MCTP1: variants seen among roughly 807,000 people sequenced by gnomAD.
MCTP1 encodes the protein multiple C2 and transmembrane domain containing 1.
Under a neutral mutation model 120.6 loss-of-function variants are expected in MCTP1, and 69 were observed. The observed-to-expected ratio is 0.57, with a 90% confidence interval of 0.47 to 0.70. The LOEUF (loss-of-function observed/expected upper bound fraction) is 0.70, where lower values mean the gene tolerates loss of function less well. MCTP1 is among the 30% of genes least tolerant of loss of function. The pLI is 0.00. For synonymous variants in MCTP1, 529 were observed against 493.1 expected (o/e 1.07, Z -0.96); for missense variants, 1,203 against 1,248.8 (o/e 0.96, Z 0.55).
chr5:95,227,688 C>G (rs928145215), intron 1 of MCTP1, among the ~76,000 whole-genome samples: 4 of 152,098 alleles, frequency 2.6e-5, no homozygotes, highest in Non-Finnish European at 5.9e-5. Flanking sequence ...ACATAGCTTT[C>G]TGAAGATGGG....
intron 1 of MCTP1, among the ~76,000 whole-genome samples, chr5:95,207,166 T>C (rs1344195251): frequency 3.9e-5 from 6 of 152,108 alleles, no homozygotes; most frequent in Non-Finnish European, 4.4e-5. Flanking sequence ...GAAGAGACTA[T>C]GAGTTATCTA....
rs960526267 is a variant in MCTP1 at position 94,797,778 on chromosome 5, A to G, written c.2556+1235T>C. On this transcript the variant is annotated intron_variant, in intron 18 of 22. Coordinates refer to ENST00000515393, the MANE Select transcript of MCTP1 (RefSeq NM_024717.7). ...CCTTCCCTCACATTTATAATCTAGT[A>G]AGAGAGACAGAAATATAATAGAGAA... Among the ~76,000 whole-genome samples the G allele has an allele frequency of 2.0e-5, 3 of 152,182 alleles. No individual in the cohort carries two copies. In the East Asian group the frequency reaches 5.8e-4, roughly 29 times the overall value.
chr5:95,166,911 TC>T (rs1746461825), intron 1 of MCTP1, among the ~76,000 whole-genome samples: 1 of 139,924 alleles, frequency 7.1e-6, no homozygotes, highest in Non-Finnish European at 1.5e-5. Context: ...TCTTTCCCTT[TC>T]TATTCTTTTT....
intron 1 of MCTP1, among the ~76,000 whole-genome samples, chr5:95,254,963 A>G (rs1757730164): frequency 6.6e-6 from 1 of 152,170 alleles, no homozygotes; most frequent in Non-Finnish European, 1.5e-5. Flanking sequence ...CAGCAACTTA[A>G]TTTTTTTAAA....
chr5:94,738,351 A>G (rs1764747237), intron 19 of MCTP1, among the ~76,000 whole-genome samples: 1 of 152,122 alleles, frequency 6.6e-6, no homozygotes, highest in Non-Finnish European at 1.5e-5. Flanking sequence ...TCTGCTTGAG[A>G]AAAATGAAAC....
chr5:94,988,735 AC>A (rs1229709749), intron 2 of MCTP1, among the ~76,000 whole-genome samples: 4 of 151,946 alleles, frequency 2.6e-5, no homozygotes, highest in Admixed American at 2.6e-4. Context: ...TAAAAGACAT[AC>A]CCGAGACTGG....
At chr5:94,750,396 A>T (rs569070356) in intron 19 of MCTP1, among the ~76,000 whole-genome samples, 12 of 152,352 alleles carry the variant, frequency 7.9e-5, no homozygotes, top group African/African-American at 2.9e-4. Flanking sequence ...AGAATCATAA[A>T]CCTACTAGAC....
chr5:95,081,592 T>C (rs1405639823), intron 1 of MCTP1: 5 of 1,473,538 alleles, frequency 3.4e-6, no homozygotes, highest in Middle Eastern at 1.8e-4. Flanking sequence ...CTCCAAGTGA[T>C]AGCAACAGCC....
At chr5:94,872,696 T>C (rs1798055508) in intron 13 of MCTP1, among the ~76,000 whole-genome samples, 4 of 152,106 alleles carry the variant, frequency 2.6e-5, no homozygotes. Flanking sequence ...TACTTAATAT[T>C]CTCATTGTGC....
chr5:95,194,693 CCCACAT>C (rs1345401048), intron 1 of MCTP1, among the ~76,000 whole-genome samples: 11 of 152,036 alleles, frequency 7.2e-5, no homozygotes, highest in Admixed American at 2.0e-4. Flanking sequence ...AAAATAAAAC[CCCACAT>C]CCAGGGCAGT....
intron 18 of MCTP1, among the ~76,000 whole-genome samples, chr5:94,796,523 C>T (rs1286604274): frequency 6.8e-6 from 1 of 148,046 alleles, no homozygotes; most frequent in African/African-American, 2.5e-5. Context: ...AGCATGGCAA[C>T]CCCTACAAAC....
At chr5:95,204,284 C>T (rs1751383840) in intron 1 of MCTP1, among the ~76,000 whole-genome samples, 2 of 151,936 alleles carry the variant, frequency 1.3e-5, no homozygotes, top group African/African-American at 4.8e-5. Context: ...AGAGGGAATC[C>T]ACCAGGTAGA....
chr5:95,236,566 T>C (rs1441521259), intron 1 of MCTP1, among the ~76,000 whole-genome samples: 1 of 152,164 alleles, frequency 6.6e-6, no homozygotes, highest in Non-Finnish European at 1.5e-5. Flanking sequence ...TTGGTCCAGA[T>C]AGAGGTTATA....
At chr5:94,778,545 C>A (rs1056575414) in intron 19 of MCTP1, among the ~76,000 whole-genome samples, 1 of 152,110 alleles carries the variant, frequency 6.6e-6, no homozygotes, top group African/African-American at 2.4e-5. Flanking sequence ...AATCAACCAG[C>A]GATCAAATAT....
At chr5:95,280,684 G>T (rs1760245898) in intron 1 of MCTP1, among the ~76,000 whole-genome samples, 1 of 152,070 alleles carries the variant, frequency 6.6e-6, no homozygotes, top group Non-Finnish European at 1.5e-5. Context: ...CAGAACATTT[G>T]AAATAATGCA....
chr5:95,018,087 T>A (rs529792755), intron 1 of MCTP1, among the ~76,000 whole-genome samples: 181 of 152,252 alleles, frequency 1.2e-3, no homozygotes, highest in Middle Eastern at 6.8e-3. Flanking sequence ...TAAAAGTACA[T>A]CAGCTATTCC....
In MCTP1 at chr5:95,283,963, C is replaced by A. The variant is rs1363933117; in HGVS notation, c.613G>T (p.Ala205Ser). Reference sequence around the variant, plus strand: ...GGCTCCAGCAGCTGCTCCAGGCAGGCGGTGCCCGGCAGAGAGGAGCTCTTC... The same window carrying A: ...GGCTCCAGCAGCTGCTCCAGGCAGGAGGTGCCCGGCAGAGAGGAGCTCTTC... ...HQKSSSLPGTACLEQLLEPPP... is the reference protein window; with the variant it reads ...HQKSSSLPGTSCLEQLLEPPP... Residue 205 changes from alanine (A) to serine (S), a missense_variant, in exon 1 of 23, where the codon GCC becomes TCC. Transcript: ENST00000515393. The A allele has an allele frequency of 5.6e-6, 8 of 1,418,750 alleles. No individual in the cohort carries two copies. In the Admixed American group the frequency reaches 9.7e-5, roughly 17 times the overall value. 87.9% of individuals were successfully genotyped at this position (1,418,750 alleles called of 1,614,324 possible).
intron 12 of MCTP1, among the ~76,000 whole-genome samples, chr5:94,874,174 G>T (rs192817737): frequency 7.2e-5 from 11 of 152,094 alleles, no homozygotes; most frequent in Admixed American, 7.2e-4. Flanking sequence ...CTACAATATT[G>T]ATTTAGACTA....
chr5:94,977,941 T>A (rs1293268925), intron 2 of MCTP1, among the ~76,000 whole-genome samples: 1 of 151,900 alleles, frequency 6.6e-6, no homozygotes, highest in Non-Finnish European at 1.5e-5. Context: ...ACCAGGCAAA[T>A]GGGACTAGAG....
Sources: allele counts gnomAD v4.1 joint callset (sites outside exome capture counted in the v4.1 genomes callset), GRCh38; gene constraint gnomAD v4.1.1; transcripts MANE v1.5; gene names NCBI Gene and HGNC (gene_info 2026-07-23, HGNC 2026-07-21).